The following SCAPER variants were observed in gnomAD, a reference collection of about 807,000 sequenced individuals.
SCAPER encodes S-phase cyclin A associated protein in the ER, also known as S phase cyclin A-associated protein in the endoplasmic reticulum.
In SCAPER, 98 loss-of-function variants were observed where a neutral mutation model predicts 182.2. The ratio of observed to expected loss-of-function variants is 0.54; its 90% CI spans 0.46 to 0.64. SCAPER has a LOEUF of 0.64. Among genes scored for constraint, SCAPER ranks in the 30% least tolerant of loss-of-function variants. The pLI, the probability that SCAPER is intolerant of heterozygous loss-of-function variation, is 0.00. For missense variants in SCAPER, 1,432 were observed against 1,690.0 expected (o/e 0.85, Z 2.68); for synonymous variants, 605 against 564.6 (o/e 1.07, Z -1.01).
At chr15:76,690,864 G>A (rs114958248) in intron 20 of SCAPER, among the ~76,000 whole-genome samples, 9 of 152,030 alleles carry the variant, frequency 5.9e-5, no homozygotes, top group African/African-American at 1.4e-4. Context: ...AACTATAGAC[G>A]AAGTTCATAT....
At chr15:76,473,175 C>G (rs2050331014) in intron 24 of SCAPER, among the ~76,000 whole-genome samples, 1 of 152,206 alleles carries the variant, frequency 6.6e-6, no homozygotes, top group African/African-American at 2.4e-5. Flanking sequence ...TCAACCCTCA[C>G]TCTAAACTCT....
chr15:76,423,555 C>G (rs2046203997), intron 26 of SCAPER, among the ~76,000 whole-genome samples: 1 of 152,148 alleles, frequency 6.6e-6, no homozygotes, highest in African/African-American at 2.4e-5. Flanking sequence ...TTTTGTTGAT[C>G]TTTTCAAAAA....
intron 15 of SCAPER, among the ~76,000 whole-genome samples, chr15:76,735,840 C>T (rs114407736): frequency 6.6e-6 from 1 of 150,392 alleles, no homozygotes; most frequent in African/African-American, 2.5e-5. Flanking sequence ...GATGATAAAA[C>T]AACATACAGT....
chr15:76,441,010 C>T (rs2047552173), intron 25 of SCAPER, among the ~76,000 whole-genome samples: 1 of 149,076 alleles, frequency 6.7e-6, no homozygotes, highest in Non-Finnish European at 1.5e-5. Flanking sequence ...CAAGCTCCGC[C>T]TCCCAGGTTC....
Position 76,771,818 on chromosome 15 carries a change from A to C in SCAPER, c.1172T>G (p.Leu391Ter), listed in dbSNP as rs369073944. The change falls in exon 10 of 32, where the codon TTA (leucine) becomes TGA (stop). Residue 391 changes from leucine (L) to a stop codon, truncating the protein, a stop_gained. Coordinates refer to ENST00000563290, the MANE Select transcript of SCAPER (RefSeq NM_020843.4). LOFTEE classifies it high-confidence loss of function. ...TGGAAATTTTTCTTCATTTACTTGTAAAGGAGGTGTACCAGCTTGCAGCAT... is the reference window on the plus strand; with the variant it reads ...TGGAAATTTTTCTTCATTTACTTGTCAAGGAGGTGTACCAGCTTGCAGCAT... ...SVMLQAGTPP[L>*]QVNEEKFPAE... 6.2e-7 allele frequency: 1 copy of C among 1,613,060 alleles called. No individual in the cohort carries two copies. Among genetic ancestry groups the C allele is most frequent in the Non-Finnish European group, 8.5e-7 (1 of 1,179,426 alleles).
chr15:76,674,094 G>T (rs1303461226), intron 20 of SCAPER, among the ~76,000 whole-genome samples: 1 of 151,698 alleles, frequency 6.6e-6, no homozygotes, highest in East Asian at 1.9e-4. Flanking sequence ...TTTACAAACT[G>T]TACTCAGTAG....
intron 21 of SCAPER, among the ~76,000 whole-genome samples, chr15:76,653,671 G>A (rs1392841890): frequency 6.6e-6 from 1 of 152,154 alleles, no homozygotes; most frequent in Non-Finnish European, 1.5e-5. Flanking sequence ...GAAGATTGAA[G>A]CTGGACCCCT....
chr15:76,839,873 T>C (rs765384213), intron 5 of SCAPER, among the ~76,000 whole-genome samples: 49 of 152,292 alleles, frequency 3.2e-4, no homozygotes, highest in Middle Eastern at 6.8e-3. Flanking sequence ...TCAATCTCAC[T>C]TTACTCAAAA....
intron 21 of SCAPER, among the ~76,000 whole-genome samples, chr15:76,631,114 C>A (rs113444987): frequency 6.6e-6 from 1 of 151,850 alleles, no homozygotes; most frequent in African/African-American, 2.4e-5. Context: ...AGATTGCAAC[C>A]CCTGCTTTTT....
Position 76,599,255 on chromosome 15 carries a change from T to C in SCAPER, c.2711+22509A>G, listed in dbSNP as rs557104069. On this transcript the variant is annotated intron_variant, in intron 22 of 31. Transcript: ENST00000563290. ...ATCTGAATGCCTAAAATTAAAAAGA[T>C]TGACAACGTCAAATATTACCAAGGA... Among the ~76,000 whole-genome samples the C allele has an allele frequency of 4.1e-5, 5 of 121,568 alleles. 1 individual carries two copies. The South Asian group carries it at 1.3e-3, about 31-fold the overall frequency. 79.8% of individuals were successfully genotyped at this position (121,568 alleles called of 152,430 possible).
intron 2 of SCAPER, among the ~76,000 whole-genome samples, chr15:76,864,403 G>A (rs773079970): frequency 3.9e-5 from 6 of 152,060 alleles, no homozygotes; most frequent in East Asian, 1.9e-4. Flanking sequence ...CAGCATTTAC[G>A]TATGGTTCTT....
intron 5 of SCAPER, among the ~76,000 whole-genome samples, chr15:76,813,648 T>G (rs998783490): frequency 5.9e-5 from 9 of 152,176 alleles, no homozygotes; most frequent in African/African-American, 1.9e-4. Context: ...AAAAATCTGT[T>G]GAACTTCTTT....
intron 20 of SCAPER, among the ~76,000 whole-genome samples, chr15:76,671,811 G>A (rs12904417): frequency 0.31 from 47,590 of 151,436 alleles, 7,744 homozygotes; most frequent in East Asian, 0.55. Flanking sequence ...TACCATCAGA[G>A]AAGTAGCGTT....
At chr15:76,486,022 A>G (rs113661153) in intron 24 of SCAPER, among the ~76,000 whole-genome samples, 8,230 of 152,226 alleles carry the variant, frequency 0.054, 674 homozygotes, top group African/African-American at 0.18. Context: ...CCTGGCTAAC[A>G]TGGTGAAACC....
intron 4 of SCAPER, among the ~76,000 whole-genome samples, chr15:76,846,760 T>G (rs950179877): frequency 6.6e-6 from 1 of 152,138 alleles, no homozygotes; most frequent in Admixed American, 6.6e-5. Context: ...GGTGGGAATG[T>G]AAATTAGTAT....
intron 5 of SCAPER, among the ~76,000 whole-genome samples, chr15:76,818,384 G>A (rs2067250266): frequency 6.6e-6 from 1 of 152,052 alleles, no homozygotes; most frequent in African/African-American, 2.4e-5. Context: ...GATGGTCTTG[G>A]ATGCAACAAT....
At chr15:76,865,291 A>G (rs1207298412) in intron 2 of SCAPER, among the ~76,000 whole-genome samples, 1 of 152,194 alleles carries the variant, frequency 6.6e-6, no homozygotes, top group Non-Finnish European at 1.5e-5. Context: ...AGGAGAGGGA[A>G]AAATCAACTC....
intron 22 of SCAPER, among the ~76,000 whole-genome samples, chr15:76,607,634 C>T (rs913782603): frequency 1.5e-4 from 23 of 152,132 alleles, no homozygotes; most frequent in Non-Finnish European, 3.2e-4. Context: ...TTCCATTCTC[C>T]CCGTCACTTT....
intron 20 of SCAPER, among the ~76,000 whole-genome samples, chr15:76,699,891 A>G (rs539080919): frequency 6.6e-6 from 1 of 152,310 alleles, no homozygotes; most frequent in East Asian, 1.9e-4. Flanking sequence ...ATGGCAACGG[A>G]GTCCATACCT....
Sources: gnomAD v4.1 joint callset for allele counts (sites outside exome capture counted in the v4.1 genomes callset) on GRCh38, gnomAD v4.1.1 for gene constraint, MANE v1.5 for transcripts, NCBI Gene and HGNC (gene_info 2026-07-23, HGNC 2026-07-21) for gene names.